Variants in RAVER2 observed in about 807,000 individuals in gnomAD.
RAVER2 encodes the protein ribonucleoprotein PTB-binding 2.
In RAVER2, 46 loss-of-function variants were observed where a neutral mutation model predicts 78.1. The observed-to-expected ratio is 0.59, with a 90% confidence interval of 0.46 to 0.75. RAVER2 has a LOEUF of 0.75. RAVER2 is among the 30% of genes least tolerant of loss of function. RAVER2 has a pLI of 0.00. For synonymous variants in RAVER2, 311 were observed against 313.3 expected (o/e 0.99, Z 0.08); for missense variants, 793 against 837.5 (o/e 0.95, Z 0.66).
chr1:64,775,589 C>T (rs1652438649), intron 2 of RAVER2, among the ~76,000 whole-genome samples: 1 of 152,188 alleles, frequency 6.6e-6, no homozygotes, highest in African/African-American at 2.4e-5. Flanking sequence ...ACAGGTGTTA[C>T]TGTGTGTGAC....
At chr1:64,758,917 C>CATATTATATTAAATATTAA (rs1318298222) in intron 1 of RAVER2, among the ~76,000 whole-genome samples, 6 of 151,612 alleles carry the variant, frequency 4.0e-5, no homozygotes, top group African/African-American at 1.4e-4. Flanking sequence ...TTAATATTTA[C>CATATTATATTAAATATTAA]ATATTAAATA....
chr1:64,825,869 G>A (rs912798600), intron 11 of RAVER2, among the ~76,000 whole-genome samples: 24 of 152,186 alleles, frequency 1.6e-4, no homozygotes, highest in African/African-American at 4.3e-4. Context: ...ATAAAATAGC[G>A]ACTGCATAGA....
chr1:64,748,770 G>A (rs76983324), intron 1 of RAVER2, among the ~76,000 whole-genome samples: 1 of 152,222 alleles, frequency 6.6e-6, no homozygotes, highest in East Asian at 1.9e-4. Flanking sequence ...TGATAGGACA[G>A]CAGTCTAAGA....
At position 64,807,483 on chromosome 1, in the gene RAVER2, A is replaced by C; in HGVS notation, c.1680+9A>C. On this transcript the variant is annotated intron_variant, in intron 9 of 11. Transcript: ENST00000294428. ...CAGAGATAAGTTCAGGGGTAAGAAA[A>C]CTGTGGGTGCACACAGATGTATATA... 6.2e-7 allele frequency: 1 copy of C among 1,611,746 alleles called. No homozygotes were observed. Among genetic ancestry groups the C allele is most frequent in the Non-Finnish European group, 8.5e-7 (1 of 1,178,376 alleles).
intron 4 of RAVER2, among the ~76,000 whole-genome samples, chr1:64,787,646 T>C (rs1024415687): frequency 1.3e-5 from 2 of 152,210 alleles, no homozygotes; most frequent in Non-Finnish European, 2.9e-5. Flanking sequence ...CCTAGTGTTA[T>C]CTTGTCCCCA....
intron 11 of RAVER2, among the ~76,000 whole-genome samples, chr1:64,827,349 G>A (rs1654026912): frequency 6.6e-6 from 1 of 152,060 alleles, no homozygotes; most frequent in Non-Finnish European, 1.5e-5. Flanking sequence ...GGTAGGGTGG[G>A]GATATAGTAG....
At chr1:64,817,912 C>A (rs1653793125) in intron 11 of RAVER2, among the ~76,000 whole-genome samples, 2 of 151,828 alleles carry the variant, frequency 1.3e-5, no homozygotes, top group Admixed American at 6.6e-5. Context: ...AAAAAAAAAA[C>A]CTTGTGAGAT....
exon 6 of RAVER2, chr1:64,803,008 C>A: frequency 6.2e-7 from 1 of 1,610,358 alleles, no homozygotes; most frequent in East Asian, 2.2e-5. Flanking sequence ...CTTGCCACAT[C>A]TGATGAATCC....
chr1:64,825,501 C>A (rs186858510), intron 11 of RAVER2, among the ~76,000 whole-genome samples: 14 of 152,302 alleles, frequency 9.2e-5, no homozygotes, highest in Admixed American at 8.5e-4. Context: ...TGCTTATATT[C>A]TTTTCAGAAG....
intron 11 of RAVER2, among the ~76,000 whole-genome samples, chr1:64,822,035 C>G (rs960271748): frequency 6.6e-6 from 1 of 152,206 alleles, no homozygotes; most frequent in Non-Finnish European, 1.5e-5. Context: ...CGCCTGTAAT[C>G]GCAGCACTTT....
chr1:64,808,136 T>C (rs529106047), intron 9 of RAVER2, among the ~76,000 whole-genome samples: 1 of 152,296 alleles, frequency 6.6e-6, no homozygotes, highest in African/African-American at 2.4e-5. Flanking sequence ...TAATCTGGTC[T>C]CTCTTTTAAT....
intron 2 of RAVER2, 152 bp downstream of exon 2, chr1:64,768,874 G>T: frequency 1.8e-6 from 1 of 558,388 alleles, no homozygotes; most frequent in African/African-American, 2.0e-5. Context: ...TCTATTTTCT[G>T]AAGGTAATAT....
intron 1 of RAVER2, among the ~76,000 whole-genome samples, chr1:64,760,980 C>G (rs1652003660): frequency 6.6e-6 from 1 of 152,178 alleles, no homozygotes; most frequent in Admixed American, 6.5e-5. Flanking sequence ...CTGTACAAGT[C>G]ACTTAGTTTT....
At chr1:64,802,164 T>C (rs1653285191) in intron 5 of RAVER2, among the ~76,000 whole-genome samples, 1 of 152,150 alleles carries the variant, frequency 6.6e-6, no homozygotes, top group South Asian at 2.1e-4. Context: ...ACCATCTTGG[T>C]TTTGGTAGGT....
intron 3 of RAVER2, among the ~76,000 whole-genome samples, chr1:64,778,519 C>T (rs1652536015): frequency 6.6e-6 from 1 of 151,934 alleles, no homozygotes; most frequent in Non-Finnish European, 1.5e-5. Flanking sequence ...AATTGCAAAT[C>T]CTATATGAAG....
At chr1:64,774,282 G>C (rs1411581084) in intron 2 of RAVER2, among the ~76,000 whole-genome samples, 1 of 152,110 alleles carries the variant, frequency 6.6e-6, no homozygotes, top group Non-Finnish European at 1.5e-5. Flanking sequence ...TATTGCCTAG[G>C]TTTTCTTCTA....
intron 1 of RAVER2, among the ~76,000 whole-genome samples, chr1:64,767,081 T>C (rs1652193817): frequency 6.6e-6 from 1 of 152,140 alleles, no homozygotes. Flanking sequence ...TACTAAATTA[T>C]CAACTTTATC....
intron 1 of RAVER2, among the ~76,000 whole-genome samples, chr1:64,750,272 A>AT (rs1206365290): frequency 6.6e-6 from 1 of 150,430 alleles, no homozygotes; most frequent in Admixed American, 6.6e-5. Context: ...TCGTAATTAA[A>AT]TTTTTTTCTG....
chr1:64,809,064 A>G (rs2100880857), intron 9 of RAVER2, among the ~76,000 whole-genome samples: 1 of 152,306 alleles, frequency 6.6e-6, no homozygotes, highest in South Asian at 2.1e-4. Flanking sequence ...AACCAAACAT[A>G]TACATTGTTA....
Sources: gnomAD v4.1 joint callset for allele counts (sites outside exome capture counted in the v4.1 genomes callset) on GRCh38, gnomAD v4.1.1 for gene constraint, MANE v1.5 for transcripts, NCBI Gene and HGNC (gene_info 2026-07-23, HGNC 2026-07-21) for gene names.